Variants in FNIP2 observed in about 807,000 individuals in gnomAD.
The protein encoded by FNIP2 is folliculin interacting protein 2.
A neutral mutation model predicts 108.7 loss-of-function variants in FNIP2; 32 were observed. The observed-to-expected ratio is 0.29, with a 90% CI of 0.22 to 0.40. The LOEUF (loss-of-function observed/expected upper bound fraction) is 0.40, where lower values mean the gene tolerates loss of function less well. Ranked by LOEUF, FNIP2 falls within the 10% of genes least tolerant of loss-of-function variation. The pLI is 1.00. For missense variants in FNIP2, 1,202 were observed against 1,381.6 expected (o/e 0.87, Z 2.06); for synonymous variants, 480 against 496.7 (o/e 0.97, Z 0.45).
chr4:158,850,539 C>A (rs188306485), intron 7 of FNIP2, among the ~76,000 whole-genome samples: 1 of 150,498 alleles, frequency 6.6e-6, no homozygotes, highest in Admixed American at 6.7e-5. Context: ...CAGGAGGAAG[C>A]AGAGAAAGGT....
chr4:158,789,365 A>T (rs1776328844), intron 1 of FNIP2, among the ~76,000 whole-genome samples: 1 of 152,122 alleles, frequency 6.6e-6, no homozygotes, highest in Non-Finnish European at 1.5e-5. Flanking sequence ...ACCATTCAGA[A>T]CGCATTTTTT....
At chr4:158,773,872 T>A (rs7654073) in intron 1 of FNIP2, among the ~76,000 whole-genome samples, 6,783 of 152,252 alleles carry the variant, frequency 0.045, 386 homozygotes, top group African/African-American at 0.14. Flanking sequence ...GGTGTGTTTG[T>A]TTTTTCAAAG....
intron 7 of FNIP2, among the ~76,000 whole-genome samples, chr4:158,843,239 A>G (rs1779221885): frequency 1.3e-5 from 2 of 152,226 alleles, no homozygotes; most frequent in African/African-American, 4.8e-5. Flanking sequence ...ACAGGGGAAA[A>G]AAGAAAATCT....
chr4:158,899,871 T>C (rs1226060549), intron 16 of FNIP2, among the ~76,000 whole-genome samples: 1 of 152,226 alleles, frequency 6.6e-6, no homozygotes, highest in African/African-American at 2.4e-5. Flanking sequence ...ATCTTAGTTA[T>C]TTCTTGTCTT....
chr4:158,811,236 T>C (rs1303397872), intron 1 of FNIP2, among the ~76,000 whole-genome samples: 2 of 152,208 alleles, frequency 1.3e-5, no homozygotes, highest in African/African-American at 4.8e-5. Context: ...GAAAGGTTTT[T>C]TAAAAAAACT....
intron 14 of FNIP2, 26 bp from the exon 15 acceptor site, chr4:158,891,420 C>G (rs1257947916): frequency 1.9e-6 from 3 of 1,565,784 alleles, no homozygotes; most frequent in Non-Finnish European, 2.6e-6. Flanking sequence ...GATAAATAAA[C>G]CCATCCCTTT....
chr4:158,888,140 C>A (rs1288839543), intron 14 of FNIP2, among the ~76,000 whole-genome samples: 1 of 152,202 alleles, frequency 6.6e-6, no homozygotes, highest in Non-Finnish European at 1.5e-5. Context: ...CTAGTTTGTT[C>A]TTCCTTTAAA....
intron 8 of FNIP2, among the ~76,000 whole-genome samples, chr4:158,854,810 C>G (rs1442896460): frequency 1.3e-5 from 2 of 152,156 alleles, no homozygotes; most frequent in Non-Finnish European, 2.9e-5. Context: ...TCTTTTTGAC[C>G]TCTCTGTATG....
At chr4:158,841,817 C>A (rs1305528055) in intron 7 of FNIP2, among the ~76,000 whole-genome samples, 1 of 152,226 alleles carries the variant, frequency 6.6e-6, no homozygotes, top group Admixed American at 6.5e-5. Context: ...AGAACTGACT[C>A]CCCAGCAACG....
chr4:158,775,977 A>G (rs1000438992), intron 1 of FNIP2, among the ~76,000 whole-genome samples: 4 of 152,226 alleles, frequency 2.6e-5, no homozygotes, highest in Non-Finnish European at 4.4e-5. Flanking sequence ...TGTGTCCATC[A>G]TAGTGCTATA....
chr4:158,786,913 G>T (rs1776242394), intron 1 of FNIP2, among the ~76,000 whole-genome samples: 2 of 152,128 alleles, frequency 1.3e-5, no homozygotes, highest in South Asian at 4.2e-4. Flanking sequence ...CTTAGCAGGG[G>T]TGGGGATAGG....
intron 15 of FNIP2, among the ~76,000 whole-genome samples, chr4:158,892,112 A>T (rs1221887169): frequency 6.7e-6 from 1 of 150,114 alleles, no homozygotes; most frequent in Non-Finnish European, 1.5e-5. Flanking sequence ...TTAAAGTACT[A>T]TACACATGTA....
chr4:158,785,485 G>T (rs997023888), intron 1 of FNIP2, among the ~76,000 whole-genome samples: 1 of 151,838 alleles, frequency 6.6e-6, no homozygotes. Context: ...CCCATGATTC[G>T]TTCTTTCTTT....
intron 7 of FNIP2, among the ~76,000 whole-genome samples, chr4:158,844,777 A>G (rs962923409): frequency 6.6e-6 from 1 of 152,254 alleles, no homozygotes; most frequent in Non-Finnish European, 1.5e-5. Flanking sequence ...TAATCACTAC[A>G]GTGTTTTCTA....
At chr4:158,853,878 C>A (rs1046860302) in intron 8 of FNIP2, among the ~76,000 whole-genome samples, 1 of 152,104 alleles carries the variant, frequency 6.6e-6, no homozygotes, top group Non-Finnish European at 1.5e-5. Context: ...TTACAAGAAA[C>A]TAAAAATGTT....
At chr4:158,791,475 T>C (rs1410665411) in intron 1 of FNIP2, among the ~76,000 whole-genome samples, 1 of 151,406 alleles carries the variant, frequency 6.6e-6, no homozygotes, top group African/African-American at 2.4e-5. Flanking sequence ...TAGTAGGGGG[T>C]TTCTCCATGT....
chr4:158,778,635 G>A (rs1775934497), intron 1 of FNIP2, among the ~76,000 whole-genome samples: 2 of 152,068 alleles, frequency 1.3e-5, no homozygotes, highest in South Asian at 4.1e-4. Context: ...ATTAGTTATT[G>A]TTGTTAATCT....
chr4:158,783,598 G>A (rs1027532519), intron 1 of FNIP2, among the ~76,000 whole-genome samples: 1 of 152,204 alleles, frequency 6.6e-6, no homozygotes, highest in African/African-American at 2.4e-5. Context: ...AGGCAAGCAG[G>A]CTTGATCTTT....
chr4:158,793,216 G>C (rs1021531018), intron 1 of FNIP2, among the ~76,000 whole-genome samples: 1 of 152,204 alleles, frequency 6.6e-6, no homozygotes, highest in Non-Finnish European at 1.5e-5. Flanking sequence ...ATTGGAATGT[G>C]CCTACAAGGT....
Sources: gnomAD v4.1 joint callset for allele counts (sites outside exome capture counted in the v4.1 genomes callset) on GRCh38, gnomAD v4.1.1 for gene constraint, MANE v1.5 for transcripts, NCBI Gene and HGNC (gene_info 2026-07-23, HGNC 2026-07-21) for gene names.